FBXL17: variants seen among roughly 807,000 people sequenced by gnomAD.
FBXL17 encodes the protein F-box and leucine rich repeat protein 17, also known as F-box/LRR-repeat protein 17.
In FBXL17, 22 loss-of-function variants were observed where a neutral mutation model predicts 66.2. The ratio of observed to expected loss-of-function variants is 0.33; its 90% CI spans 0.24 to 0.47. FBXL17 has a LOEUF of 0.47. Among genes scored for constraint, FBXL17 ranks in the 20% least tolerant of loss-of-function variants. The pLI, the probability that FBXL17 is intolerant of heterozygous loss-of-function variation, is 1.00. For synonymous variants in FBXL17, 474 were observed against 400.5 expected (o/e 1.18, Z -2.19); for missense variants, 878 against 948.2 (o/e 0.93, Z 0.97).
chr5:108,088,707 A>C, intron 6 of FBXL17, among the ~76,000 whole-genome samples: 1 of 20,834 alleles, frequency 4.8e-5, no homozygotes. Flanking sequence ...TCTCAAAAAA[A>C]AAAAAAAAAA....
chr5:108,262,281 G>A (rs1411595131), intron 4 of FBXL17, among the ~76,000 whole-genome samples: 1 of 151,442 alleles, frequency 6.6e-6, no homozygotes, highest in Non-Finnish European at 1.5e-5. Context: ...GTTTCACCAT[G>A]TTAGCCAGGA....
At chr5:108,181,058 AAAG>A (rs931463356) in intron 6 of FBXL17, among the ~76,000 whole-genome samples, 1 of 152,236 alleles carries the variant, frequency 6.6e-6, no homozygotes, top group Non-Finnish European at 1.5e-5. Context: ...ATTAACAAAA[AAAG>A]AATAAAAGAA....
At chr5:108,034,934 A>G (rs536895309) in intron 6 of FBXL17, among the ~76,000 whole-genome samples, 2 of 152,242 alleles carry the variant, frequency 1.3e-5, no homozygotes, top group East Asian at 3.9e-4. Flanking sequence ...ATCTTCTCTC[A>G]TTGTTCTTTA....
At chr5:107,932,056 T>C (rs774281141) in intron 7 of FBXL17, among the ~76,000 whole-genome samples, 111 of 152,284 alleles carry the variant, frequency 7.3e-4, no homozygotes, top group Middle Eastern at 3.4e-3. Context: ...TTTAACAAGT[T>C]CTGCAGACGA....
Position 108,332,592 on chromosome 5 carries a change from A to T in FBXL17, c.1506+15807T>A, listed in dbSNP as rs186550279. ...TGTCCGTCAGAGGTAGTTCAGGACA[A>T]ACTTTTTGTTTTTTGTTGTTGTTGG... is the stretch of plus-strand genomic sequence containing the variant. On this transcript the variant is annotated intron_variant, in intron 4 of 8. Transcript: ENST00000542267. Among the ~76,000 whole-genome samples, 49 of 152,146 alleles carry T rather than the reference A, an allele frequency of 3.2e-4. No homozygotes were observed. The East Asian group carries it at 9.3e-3, about 29-fold the overall frequency.
intron 4 of FBXL17, among the ~76,000 whole-genome samples, chr5:108,259,883 T>G (rs1756737205): frequency 6.6e-6 from 1 of 152,114 alleles, no homozygotes; most frequent in Non-Finnish European, 1.5e-5. Context: ...CTAGGCTAAG[T>G]TGAAATGTGC....
chr5:108,185,629 C>CA (rs1326416435), intron 6 of FBXL17, among the ~76,000 whole-genome samples: 1 of 151,846 alleles, frequency 6.6e-6, no homozygotes, highest in Non-Finnish European at 1.5e-5. Context: ...GAGGCTGAGG[C>CA]AGAAGTATTG....
chr5:107,968,162 T>C (rs561420421), intron 7 of FBXL17, among the ~76,000 whole-genome samples: 316 of 152,210 alleles, frequency 2.1e-3, no homozygotes, highest in Middle Eastern at 6.8e-3. Context: ...CAGAAAACAA[T>C]GCTCTCAGGT....
chr5:108,174,625 T>C (rs994894985), intron 6 of FBXL17, among the ~76,000 whole-genome samples: 3 of 151,648 alleles, frequency 2.0e-5, no homozygotes, highest in Non-Finnish European at 2.9e-5. Context: ...AGGTTCATAG[T>C]AGCAATTAAC....
At chr5:108,151,865 T>G (rs1445905102) in intron 6 of FBXL17, among the ~76,000 whole-genome samples, 1 of 152,200 alleles carries the variant, frequency 6.6e-6, no homozygotes, top group Admixed American at 6.5e-5. Flanking sequence ...TTCTTTATTC[T>G]TAAGAACTTT....
intron 5 of FBXL17, among the ~76,000 whole-genome samples, chr5:108,201,031 A>G (rs992473332): frequency 6.6e-6 from 1 of 152,206 alleles, no homozygotes; most frequent in Non-Finnish European, 1.5e-5. Flanking sequence ...GTTCCAAGCT[A>G]AAATTTTACA....
intron 5 of FBXL17, among the ~76,000 whole-genome samples, chr5:108,201,043 C>T (rs1022704694): frequency 6.6e-6 from 1 of 152,116 alleles, no homozygotes; most frequent in African/African-American, 2.4e-5. Context: ...AATTTTACAA[C>T]ACTCTACTGT....
At chr5:108,379,167 C>A (rs1314671000) in intron 1 of FBXL17, among the ~76,000 whole-genome samples, 1 of 151,548 alleles carries the variant, frequency 6.6e-6, no homozygotes, top group African/African-American at 2.4e-5. Context: ...TTTTTTTTCT[C>A]GGCATTAAAA....
intron 6 of FBXL17, among the ~76,000 whole-genome samples, chr5:108,157,781 C>A (rs534691029): frequency 3.3e-5 from 5 of 151,730 alleles, no homozygotes; most frequent in Non-Finnish European, 7.4e-5. Flanking sequence ...AAAAATGTAA[C>A]CCAGTTTAGC....
At chr5:108,046,755 T>G (rs1377941004) in intron 6 of FBXL17, among the ~76,000 whole-genome samples, 1 of 152,228 alleles carries the variant, frequency 6.6e-6, no homozygotes, top group Non-Finnish European at 1.5e-5. Context: ...AAATATTTCC[T>G]CTGCATATAT....
At chr5:108,126,399 A>T (rs1446814741) in intron 6 of FBXL17, among the ~76,000 whole-genome samples, 1 of 151,992 alleles carries the variant, frequency 6.6e-6, no homozygotes, top group Admixed American at 6.6e-5. Context: ...GCATTTTTTT[A>T]AAAATCACCT....
chr5:108,340,592 G>A (rs1746814348), intron 4 of FBXL17, among the ~76,000 whole-genome samples: 1 of 152,038 alleles, frequency 6.6e-6, no homozygotes, highest in East Asian at 1.9e-4. Flanking sequence ...AGTGACTTTG[G>A]CTGGATAAAT....
chr5:107,869,713 C>G (rs1748387273), intron 8 of FBXL17, among the ~76,000 whole-genome samples: 1 of 152,138 alleles, frequency 6.6e-6, no homozygotes, highest in Non-Finnish European at 1.5e-5. Context: ...GTGGTGAGAG[C>G]AGGGAACTAG....
At chr5:107,888,319 G>C (rs1239498564) in intron 7 of FBXL17, among the ~76,000 whole-genome samples, 1 of 152,120 alleles carries the variant, frequency 6.6e-6, no homozygotes, top group Non-Finnish European at 1.5e-5. Context: ...TAGGACCTCT[G>C]AATGTCTGAA....
Sources: allele counts gnomAD v4.1 joint callset (sites outside exome capture counted in the v4.1 genomes callset), GRCh38; gene constraint gnomAD v4.1.1; transcripts MANE v1.5; gene names NCBI Gene and HGNC (gene_info 2026-07-23, HGNC 2026-07-21).